Variants in ROBO2 observed in about 807,000 individuals in gnomAD.
The protein encoded by ROBO2 is roundabout homolog 2.
In ROBO2, 53 loss-of-function variants were observed where a neutral mutation model predicts 160.8. That is an observed-to-expected ratio of 0.33 (90% CI 0.26 to 0.41). ROBO2 has a LOEUF of 0.41. Ranked by LOEUF, ROBO2 falls within the 10% of genes least tolerant of loss-of-function variation. The pLI, the probability that ROBO2 is intolerant of heterozygous loss-of-function variation, is 1.00. For synonymous variants in ROBO2, 664 were observed against 611.7 expected (o/e 1.09, Z -1.26); for missense variants, 1,577 against 1,722.4 (o/e 0.92, Z 1.49).
intron 2 of ROBO2, among the ~76,000 whole-genome samples, chr3:76,612,587 C>T (rs1168162742): frequency 6.6e-6 from 1 of 152,036 alleles, no homozygotes; most frequent in Non-Finnish European, 1.5e-5. Context: ...GGACAAATAC[C>T]CAATGCATGT....
Position 76,274,566 on chromosome 3 carries a change from C to T in ROBO2, c.109+336964C>T, listed in dbSNP as rs965928403. On this transcript the variant is annotated intron_variant, in intron 2 of 26. Transcript: ENST00000487694. ...TCAAGAAATATAGCAGGGCCGGGCA[C>T]GGTGGATCACACCTGTAATTCCAGC... Among the ~76,000 whole-genome samples, 15 of 151,938 alleles carry T rather than the reference C, an allele frequency of 9.9e-5. No individual in the cohort carries two copies. In the South Asian group the frequency reaches 1.9e-3, roughly 19 times the overall value.
At position 76,170,939 on chromosome 3, in the gene ROBO2, G is replaced by A. The variant is rs9830731; in HGVS notation, c.109+233337G>A. On this transcript the variant is annotated intron_variant, in intron 2 of 26. Coordinates refer to the ROBO2 transcript ENST00000487694. ...CAGTGATCATTGTTAAGCACCTTCT[G>A]TATGCCAGGCACTGCTGATATGTGC... Among the ~76,000 whole-genome samples, 737 of 152,202 alleles carry A rather than the reference G, an allele frequency of 4.8e-3. 8 individuals are homozygous for A. The highest frequency in any genetic ancestry group is 0.017 in the African/African-American group (693 of 41,536).
intron 8 of ROBO2, among the ~76,000 whole-genome samples, chr3:77,557,090 G>T (rs1446722471): frequency 6.6e-6 from 1 of 151,702 alleles, no homozygotes; most frequent in Admixed American, 6.6e-5. Flanking sequence ...ACTTCTAAAA[G>T]CACTGAAATG....
chr3:77,129,845 T>G (rs2075688681), intron 2 of ROBO2, among the ~76,000 whole-genome samples: 1 of 152,078 alleles, frequency 6.6e-6, no homozygotes, highest in Non-Finnish European at 1.5e-5. Context: ...CTTTTTTTGG[T>G]GCAACTTTGG....
intron 2 of ROBO2, among the ~76,000 whole-genome samples, chr3:77,358,062 G>A (rs1036813900): frequency 6.6e-6 from 1 of 152,142 alleles, no homozygotes; most frequent in African/African-American, 2.4e-5. Context: ...GGTTTGCAAG[G>A]GCTGTTGTAA....
chr3:77,249,112 A>C (rs1338299107), intron 2 of ROBO2, among the ~76,000 whole-genome samples: 1 of 152,004 alleles, frequency 6.6e-6, no homozygotes, highest in Non-Finnish European at 1.5e-5. Context: ...TCTGCTCCCA[A>C]AGTTCTGGGA....
At chr3:77,564,712 C>A in intron 11 of ROBO2, 1 of 584,834 alleles carries the variant, frequency 1.7e-6, no homozygotes, top group Non-Finnish European at 3.1e-6. Flanking sequence ...AAAGGGCTGT[C>A]ACATCTCCTG....
intron 1 of ROBO2, chr3:77,092,024 T>TAAAA (rs1261411275): frequency 1.4e-4 from 20 of 146,982 alleles, no homozygotes; most frequent in South Asian, 4.3e-4. Context: ...AATAAATAAA[T>TAAAA]AAAAAGAATC....
rs1179980868 is a variant in ROBO2 at position 77,131,177 on chromosome 3, T to C, written c.388+32837T>C. Among the ~76,000 whole-genome samples the C allele has an allele frequency of 3.3e-5, 5 of 152,166 alleles. No individual in the cohort carries two copies. The East Asian group carries it at 9.6e-4, about 29-fold the overall frequency. The stretch of plus-strand genomic sequence containing the variant: ...GCTTGGTGGAACCTTAGGCCTACAC[T>C]GGATCTTTGGTTGAAAGATGCTCCC... On this transcript the variant is annotated intron_variant, in intron 2 of 25. Coordinates refer to ENST00000461745, the Ensembl canonical transcript of ROBO2.
intron 2 of ROBO2, among the ~76,000 whole-genome samples, chr3:77,100,457 A>C (rs2071754257): frequency 6.6e-6 from 1 of 152,044 alleles, no homozygotes; most frequent in African/African-American, 2.4e-5. Context: ...ATTTGGGTTA[A>C]AGCATTGTGA....
chr3:77,623,891 A>G (rs2094951726), intron 23 of ROBO2, among the ~76,000 whole-genome samples: 1 of 152,182 alleles, frequency 6.6e-6, no homozygotes, highest in African/African-American at 2.4e-5. Flanking sequence ...ATTAAATATT[A>G]TAATGTCAAA....
At chr3:76,225,800 T>A (rs1369606806) in intron 2 of ROBO2, among the ~76,000 whole-genome samples, 7 of 152,196 alleles carry the variant, frequency 4.6e-5, no homozygotes. Context: ...GAATTCAGAC[T>A]TATTTTTAAA....
chr3:76,830,072 A>G (rs2066944769), intron 2 of ROBO2, among the ~76,000 whole-genome samples: 1 of 152,172 alleles, frequency 6.6e-6, no homozygotes, highest in Admixed American at 6.5e-5. Flanking sequence ...GTATTGAGGA[A>G]CTCTAACAGA....
chr3:76,870,740 G>C (rs930549862), intron 2 of ROBO2, among the ~76,000 whole-genome samples: 33 of 151,886 alleles, frequency 2.2e-4, no homozygotes, highest in African/African-American at 8.0e-4. Flanking sequence ...TCTGATTGGA[G>C]TTCCTTTTTA....
chr3:77,193,481 T>C (rs1307511800), intron 2 of ROBO2, among the ~76,000 whole-genome samples: 1 of 146,708 alleles, frequency 6.8e-6, no homozygotes, highest in Non-Finnish European at 1.5e-5. Flanking sequence ...GGTCTTGCTA[T>C]GTTGCCTAGG....
chr3:77,378,775 A>T (rs1445551204), intron 2 of ROBO2, among the ~76,000 whole-genome samples: 1 of 152,110 alleles, frequency 6.6e-6, no homozygotes, highest in African/African-American at 2.4e-5. Flanking sequence ...TTATGATTCC[A>T]TGCTATGGTT....
At chr3:76,713,877 G>GA (rs951432324) in intron 2 of ROBO2, among the ~76,000 whole-genome samples, 22 of 151,676 alleles carry the variant, frequency 1.5e-4, no homozygotes, top group African/African-American at 5.3e-4. Context: ...ATACATGAAG[G>GA]AAAAAAACAT....
intron 2 of ROBO2, among the ~76,000 whole-genome samples, chr3:76,427,893 C>T (rs544253464): frequency 1.3e-5 from 2 of 152,236 alleles, no homozygotes; most frequent in South Asian, 2.1e-4. Context: ...GTATGTGCCT[C>T]TCTTCTCCAG....
chr3:77,044,092 A>T (rs2064371464), intron 1 of ROBO2, among the ~76,000 whole-genome samples: 1 of 152,112 alleles, frequency 6.6e-6, no homozygotes, highest in Non-Finnish European at 1.5e-5. Context: ...GCTTTGTTTG[A>T]ATAACCTTTG....
Sources: gnomAD v4.1 joint callset for allele counts (sites outside exome capture counted in the v4.1 genomes callset) on GRCh38, gnomAD v4.1.1 for gene constraint, MANE v1.5 for transcripts, NCBI Gene and HGNC (gene_info 2026-07-23, HGNC 2026-07-21) for gene names.